ZNF555: variants seen among roughly 807,000 people sequenced by gnomAD.
ZNF555 encodes the protein zinc finger protein 555.
Under a neutral mutation model 14.0 loss-of-function variants are expected in ZNF555, and 10 were observed. The ratio of observed to expected loss-of-function variants is 0.72; its 90% confidence interval spans 0.44 to 1.21. The LOEUF (loss-of-function observed/expected upper bound fraction) is 1.21, where lower values mean the gene tolerates loss of function less well. Among genes scored for constraint, ZNF555 ranks in the 50% most tolerant of loss-of-function variants. ZNF555 has a pLI of 0.00. For synonymous variants in ZNF555, 277 were observed against 262.4 expected (o/e 1.06, Z -0.54); for missense variants, 747 against 762.0 (o/e 0.98, Z 0.23).
Position 2,853,728 on chromosome 19 carries a change from A to G in ZNF555, c.1663A>G (p.Met555Val). Residue 555 changes from methionine to valine, a missense_variant, in exon 4 of 4, where the codon ATG becomes GTG. By Grantham distance (21) the Met-to-Val change is conservative. Coordinates refer to ENST00000334241, the MANE Select transcript of ZNF555 (RefSeq NM_152791.5). The stretch of plus-strand genomic sequence containing the variant: ...ATGGCCATCATCTTTACCAATACAT[A>G]TGAGACTGCACACTGGAGAGAAACC... The part of the protein sequence containing the change: ...FKWPSSLPIH[M>V]RLHTGEKPYQ... 5 of 1,589,676 alleles carry G rather than the reference A, an allele frequency of 3.1e-6. No individual in the cohort carries two copies. Among genetic ancestry groups the G allele is most frequent in the East Asian group, 2.2e-5 (1 of 44,760 alleles).
At chr19:2,845,665 T>C (rs2087576403) in intron 1 of ZNF555, among the ~76,000 whole-genome samples, 1 of 152,204 alleles carries the variant, frequency 6.6e-6, no homozygotes, top group Non-Finnish European at 1.5e-5. Context: ...GGGTGTGAGA[T>C]GGTATCTCAT....
At position 2,852,431 on chromosome 19, in the gene ZNF555, A is replaced by G. The variant is rs2087638523; in HGVS notation, c.366A>G (p.Glu122=). ...RLCESNDQCG[E]ALSQIPHLNL... Reference sequence around the variant, plus strand: ...GTGAAAGTAATGATCAATGTGGAGAAGCCCTCAGCCAGATTCCACATCTTA... The same window carrying G: ...GTGAAAGTAATGATCAATGTGGAGAGGCCCTCAGCCAGATTCCACATCTTA... Residue 122 remains glutamate (E), a synonymous_variant, in exon 4 of 4, where the codon GAA becomes GAG. Coordinates refer to ENST00000334241, the MANE Select transcript of ZNF555 (RefSeq NM_152791.5). 2.5e-6 allele frequency: 4 copies of G among 1,614,090 alleles called. No homozygotes were observed. The highest frequency in any genetic ancestry group is 1.7e-5 in the Admixed American group (1 of 60,012).
chr19:2,853,978 CAAG>C lies in ZNF555; in HGVS notation c.*27_*29del, dbSNP rs776802270. On this transcript the variant is annotated 3_prime_UTR_variant, in exon 4 of 4. Coordinates refer to ENST00000334241, the MANE Select transcript of ZNF555 (RefSeq NM_152791.5). Reference sequence around the variant, plus strand: ...GTTCCTTATCCTGAAAGTGGACACTCAAGGAGTGTGTCTGTAGTTCATTTGCAA... The same window carrying C: ...GTTCCTTATCCTGAAAGTGGACACTCGAGTGTGTCTGTAGTTCATTTGCAA... 29 of 1,611,070 alleles carry C rather than the reference CAAG, an allele frequency of 1.8e-5. 1 individual carries two copies. Among genetic ancestry groups the C allele is most frequent in the East Asian group, 2.2e-5 (1 of 44,884 alleles).
intron 1 of ZNF555, among the ~76,000 whole-genome samples, chr19:2,844,804 C>T (rs2317035): frequency 0.84 from 127,043 of 152,080 alleles, 53,381 homozygotes; most frequent in East Asian, 1. Flanking sequence ...CCTGCGTCCA[C>T]CCCCTAGCCC....
rs2087711326 is a variant in ZNF555 at position 2,859,281 on chromosome 19, G to A, written c.*5329G>A. 6.6e-6 allele frequency: 1 copy of A among 152,284 alleles called. No homozygotes were observed. The highest frequency in any genetic ancestry group is 1.5e-5 in the Non-Finnish European group (1 of 68,092). 9.4% of individuals were successfully genotyped at this position (152,284 alleles called of 1,614,324 possible). The stretch of plus-strand genomic sequence containing the variant: ...AGACATCAAGAGTGGTACTGGAAGT[G>A]GCGGAAGCTCTCCTCTTGCCCTCTT... On this transcript the variant is annotated 3_prime_UTR_variant, in exon 4 of 4. Coordinates refer to ENST00000334241, the MANE Select transcript of ZNF555 (RefSeq NM_152791.5).
Position 2,853,518 on chromosome 19 carries a change from T to G in ZNF555, c.1453T>G (p.Cys485Gly), listed in dbSNP as rs200000972. Reference protein sequence around the residue: ...PEDKSYECKLCGKAFYCHISL... With the variant: ...PEDKSYECKLGGKAFYCHISL... ...AGACAAATCCTATGAATGCAAGCTATGTGGGAAAGCTTTCTATTGCCACAT... is the reference window on the plus strand; with the variant it reads ...AGACAAATCCTATGAATGCAAGCTAGGTGGGAAAGCTTTCTATTGCCACAT... The change falls in exon 4 of 4, where the codon TGT (cysteine) becomes GGT (glycine). Residue 485 changes from cysteine to glycine, a missense_variant. By Grantham distance (159) the Cys-to-Gly change is radical. Coordinates refer to ENST00000334241, the MANE Select transcript of ZNF555 (RefSeq NM_152791.5). 17 of 1,614,126 alleles carry G rather than the reference T, an allele frequency of 1.1e-5. No individual in the cohort carries two copies. In the Admixed American group the frequency reaches 2.2e-4, roughly 21 times the overall value.
rs2087696492 is a variant in ZNF555, at chr19:2,857,834, C to G, written c.*3882C>G. 6.6e-6 allele frequency: 1 copy of G among 151,088 alleles called. No homozygotes were observed. The highest frequency in any genetic ancestry group is 2.4e-5 in the African/African-American group (1 of 41,060). 9.4% of individuals were successfully genotyped at this position (151,088 alleles called of 1,614,324 possible). ...TCTACACTGGGCGACAGAGCAAGAC[C>G]CTGTCTCAAAAAAAAAGGAATACAA... On this transcript the variant is annotated 3_prime_UTR_variant, in exon 4 of 4. Coordinates refer to ENST00000334241, the MANE Select transcript of ZNF555 (RefSeq NM_152791.5).
rs1279050975 is a variant in ZNF555 at position 2,856,060 on chromosome 19, G to A, written c.*2108G>A. The A allele has an allele frequency of 1.3e-5, 2 of 151,972 alleles. No homozygotes were observed. Among genetic ancestry groups the A allele is most frequent in the South Asian group, 4.2e-4 (2 of 4,808 alleles). 9.4% of individuals were successfully genotyped at this position (151,972 alleles called of 1,614,324 possible). Reference sequence around the variant, plus strand: ...AAATGTTATTTTTTGTTTACCGAGAGAATTACAGATTTCAAATCAACTTTG... The same window carrying A: ...AAATGTTATTTTTTGTTTACCGAGAAAATTACAGATTTCAAATCAACTTTG... On this transcript the variant is annotated 3_prime_UTR_variant, in exon 4 of 4. Coordinates refer to ENST00000334241, the MANE Select transcript of ZNF555 (RefSeq NM_152791.5).
In ZNF555 at chr19:2,859,527, G is replaced by A. The variant is rs1443159239; in HGVS notation, c.*5575G>A. 3 of 152,320 alleles carry A rather than the reference G, an allele frequency of 2.0e-5. No individual in the cohort carries two copies. The highest frequency in any genetic ancestry group is 4.8e-5 in the African/African-American group (2 of 41,426). 9.4% of individuals were successfully genotyped at this position (152,320 alleles called of 1,614,324 possible). A position where few individuals can be genotyped will look rare whatever the true frequency, so the allele number is the denominator to read the frequency against. On this transcript the variant is annotated 3_prime_UTR_variant, in exon 4 of 4. Coordinates refer to ENST00000334241, the MANE Select transcript of ZNF555 (RefSeq NM_152791.5). ...GCAAAAAAGGACAGGGCAGCTGGGC[G>A]AGGAAGAGATACCAGTGATGTCCTA...
At chr19:2,846,834 A>G (rs1340947412) in intron 1 of ZNF555, among the ~76,000 whole-genome samples, 2 of 152,224 alleles carry the variant, frequency 1.3e-5, no homozygotes, top group Non-Finnish European at 1.5e-5. Flanking sequence ...ATGTGGTTTG[A>G]AAACCATCAA....
chr19:2,844,586 T>A (rs762038232), intron 1 of ZNF555, among the ~76,000 whole-genome samples: 6 of 152,256 alleles, frequency 3.9e-5, no homozygotes, highest in Non-Finnish European at 8.8e-5. Flanking sequence ...CCCCTGTGCC[T>A]GGCTGTGCCA....
At chr19:2,848,559 G>A (rs1259006485) in intron 1 of ZNF555, among the ~76,000 whole-genome samples, 7 of 148,646 alleles carry the variant, frequency 4.7e-5, no homozygotes, top group African/African-American at 1.5e-4. Flanking sequence ...AGCTATTCTC[G>A]TGCCTCAGCC....
At chr19:2,841,610 G>A in intron 1 of ZNF555, 35 bp downstream of exon 1, 2 of 1,483,758 alleles carry the variant, frequency 1.3e-6, no homozygotes, top group South Asian at 1.3e-5. Flanking sequence ...CCGGTGCGGG[G>A]CAGCAGGAAC....
intron 1 of ZNF555, among the ~76,000 whole-genome samples, chr19:2,846,681 G>A (rs565201591): frequency 1.3e-5 from 2 of 152,200 alleles, no homozygotes; most frequent in Non-Finnish European, 1.5e-5. Flanking sequence ...ATAAAACACC[G>A]AAGGCTTTGC....
intron 1 of ZNF555, among the ~76,000 whole-genome samples, chr19:2,841,794 C>G (rs1164078288): frequency 2.6e-5 from 4 of 151,620 alleles, no homozygotes; most frequent in African/African-American, 9.7e-5. Flanking sequence ...GCCTCTGGCC[C>G]CAAGGCTGCA....
chr19:2,847,927 C>CT (rs1169167790), intron 1 of ZNF555, among the ~76,000 whole-genome samples: 18 of 151,834 alleles, frequency 1.2e-4, no homozygotes, highest in African/African-American at 3.9e-4. Flanking sequence ...ACACTCCAGC[C>CT]TTTTTTTTAA....
Position 2,854,332 on chromosome 19 carries a change from C to A in ZNF555, c.*380C>A. 1 of 215,252 alleles carries A rather than the reference C, an allele frequency of 4.6e-6. No individual in the cohort carries two copies. The highest frequency in any genetic ancestry group is 9.3e-6 in the Non-Finnish European group (1 of 107,528). 13.3% of individuals were successfully genotyped at this position (215,252 alleles called of 1,614,324 possible). A position where few individuals can be genotyped will look rare whatever the true frequency, so the allele number is the denominator to read the frequency against. ...TAGTTGGCAGAATTTTGTAATTATG[C>A]AAAGTTGTTTAAGGAGTATAGCCTC... On this transcript the variant is annotated 3_prime_UTR_variant, in exon 4 of 4. Coordinates refer to ENST00000334241, the MANE Select transcript of ZNF555 (RefSeq NM_152791.5).
chr19:2,850,527 A>G, intron 1 of ZNF555, 60 bp from the exon 2 acceptor site: 1 of 1,591,726 alleles, frequency 6.3e-7, no homozygotes. Context: ...CGAATTGAGT[A>G]CAATGCTCCT....
In ZNF555 at chr19:2,858,914, T is replaced by G. The variant is rs575089032; in HGVS notation, c.*4962T>G. The G allele has an allele frequency of 1.3e-5, 2 of 152,382 alleles. No homozygotes were observed. The highest frequency in any genetic ancestry group is 2.9e-5 in the Non-Finnish European group (2 of 68,216). 9.4% of individuals were successfully genotyped at this position (152,382 alleles called of 1,614,324 possible). On this transcript the variant is annotated 3_prime_UTR_variant, in exon 4 of 4. Coordinates refer to ENST00000334241, the MANE Select transcript of ZNF555 (RefSeq NM_152791.5). ...CACCTGACGTGCTTTTTCTGCGCAC[T>G]CAGGTCGTGACACCCCAGGAGGTGC...
Sources: allele counts gnomAD v4.1 joint callset (sites outside exome capture counted in the v4.1 genomes callset), GRCh38; gene constraint gnomAD v4.1.1; transcripts MANE v1.5; gene names NCBI Gene and HGNC (gene_info 2026-07-23, HGNC 2026-07-21).